C1QTNF1: variants seen among roughly 807,000 people sequenced by gnomAD.
The protein encoded by C1QTNF1 is C1q and TNF related 1, also known as complement C1q tumor necrosis factor-related protein 1.
C1QTNF1 carries 22 observed loss-of-function variants against 27.8 expected under a neutral mutation model. The observed-to-expected ratio is 0.79, with a 90% confidence interval of 0.56 to 1.13. C1QTNF1 has a LOEUF of 1.13. C1QTNF1 is among the 50% of genes most tolerant of loss of function. The pLI is 0.00. For synonymous variants in C1QTNF1, 166 were observed against 154.3 expected (o/e 1.08, Z -0.56); for missense variants, 373 against 380.2 (o/e 0.98, Z 0.16).
intron 1 of C1QTNF1, among the ~76,000 whole-genome samples, chr17:79,039,699 G>A (rs1477252734): frequency 1.3e-5 from 2 of 151,640 alleles, no homozygotes; most frequent in Admixed American, 1.3e-4. Context: ...AATGGTGCCA[G>A]GGTTGAGAAA....
chr17:79,047,098 G>C (rs1385907114), intron 3 of C1QTNF1: 1 of 244,816 alleles, frequency 4.1e-6, no homozygotes, highest in African/African-American at 2.2e-5. Context: ...CCGTGAAATC[G>C]AACTGGAAAC....
At chr17:79,042,203 G>A (rs929153318) in intron 1 of C1QTNF1, among the ~76,000 whole-genome samples, 1 of 152,228 alleles carries the variant, frequency 6.6e-6, no homozygotes, top group Admixed American at 6.5e-5. Context: ...TGTGCCCCTC[G>A]GTGGGGAGGT....
intron 1 of C1QTNF1, chr17:79,024,731 T>C (rs1338454870): frequency 1.3e-5 from 2 of 152,298 alleles, no homozygotes; most frequent in African/African-American, 4.8e-5. Context: ...GTCATAATGG[T>C]CCCGGGTCTC....
upstream of C1QTNF1, among the ~76,000 whole-genome samples, chr17:79,023,245 AG>A (rs1040624586): frequency 5.5e-4 from 83 of 152,252 alleles, 1 homozygote; most frequent in African/African-American, 1.9e-3. Flanking sequence ...AACAGGGCAG[AG>A]GGGGGAAAAA....
intron 1 of C1QTNF1, among the ~76,000 whole-genome samples, chr17:79,036,960 GT>G (rs2072276942): frequency 6.6e-6 from 1 of 152,206 alleles, no homozygotes; most frequent in African/African-American, 2.4e-5. Flanking sequence ...GAATGCTTTT[GT>G]CAAAAGGCCC....
chr17:79,032,667 G>C (rs994296597), intron 1 of C1QTNF1, among the ~76,000 whole-genome samples: 1 of 152,164 alleles, frequency 6.6e-6, no homozygotes, highest in Non-Finnish European at 1.5e-5. Context: ...CCGGGACCCC[G>C]CGTGATGGCA....
At chr17:79,025,781 G>A (rs754328994) in intron 1 of C1QTNF1, 4 of 213,588 alleles carry the variant, frequency 1.9e-5, no homozygotes, top group Non-Finnish European at 4.0e-5. Context: ...GATGGGAGCC[G>A]AGGTCTGAGG....
intron 1 of C1QTNF1, among the ~76,000 whole-genome samples, chr17:79,042,363 C>T (rs530749635): frequency 1.3e-5 from 2 of 152,360 alleles, no homozygotes; most frequent in Admixed American, 6.5e-5. Context: ...TCCCCACCTC[C>T]GTGAGCACCC....
intron 1 of C1QTNF1, among the ~76,000 whole-genome samples, chr17:79,033,110 G>C (rs1434749076): frequency 2.6e-5 from 4 of 151,894 alleles, no homozygotes; most frequent in African/African-American, 7.3e-5. Context: ...GAGCAAAGAG[G>C]AGGTGTTCAG....
At chr17:79,045,712 G>A (rs775411602) in intron 2 of C1QTNF1, among the ~76,000 whole-genome samples, 4 of 152,318 alleles carry the variant, frequency 2.6e-5, no homozygotes, top group Non-Finnish European at 5.9e-5. Context: ...GATGGGGACA[G>A]GGGTTTCGGT....
chr17:79,030,749 G>T (rs369309286), intron 1 of C1QTNF1, among the ~76,000 whole-genome samples: 1 of 151,682 alleles, frequency 6.6e-6, no homozygotes, highest in Non-Finnish European at 1.5e-5. Context: ...TTAGGCACAC[G>T]CCACCACACC....
At chr17:79,032,387 C>A (rs1012103044) in intron 1 of C1QTNF1, among the ~76,000 whole-genome samples, 3 of 152,134 alleles carry the variant, frequency 2.0e-5, no homozygotes, top group African/African-American at 7.2e-5. Flanking sequence ...AAGGGACTCA[C>A]GCGGGGTGGG....
intron 1 of C1QTNF1, 103 bp downstream of exon 1, chr17:79,024,597 G>C (rs919104623): frequency 6.6e-6 from 1 of 152,392 alleles, no homozygotes; most frequent in African/African-American, 2.4e-5. Flanking sequence ...CGGGACGGAC[G>C]GAGAGCGCCG....
chr17:79,047,467 AG>A, intron 3 of C1QTNF1, 70 bp from the exon 4 acceptor site: 1 of 1,418,220 alleles, frequency 7.1e-7, no homozygotes, highest in Non-Finnish European at 9.5e-7. Context: ...GGGACCGGAG[AG>A]TGAGCAGCCA....
chr17:79,041,446 C>A (rs558379408), intron 1 of C1QTNF1, among the ~76,000 whole-genome samples: 1 of 152,248 alleles, frequency 6.6e-6, no homozygotes, highest in East Asian at 1.9e-4. Flanking sequence ...GTTGACTTGG[C>A]GTGAGGGCTC....
intron 1 of C1QTNF1, among the ~76,000 whole-genome samples, chr17:79,030,485 TTTTCTTTCTTTC>T (rs199746385): frequency 0.15 from 17,968 of 121,630 alleles, 1,262 homozygotes; most frequent in East Asian, 0.33. Context: ...CTTTCTTTCT[TTTTCTTTCTTTC>T]TTTCTTTCTT....
chr17:79,044,590 G>A (rs1490112632), intron 2 of C1QTNF1, among the ~76,000 whole-genome samples: 1 of 152,232 alleles, frequency 6.6e-6, no homozygotes, highest in Admixed American at 6.5e-5. Context: ...GGACAGGAGA[G>A]GACAGCGGAG....
chr17:79,026,241 C>T (rs1460428995), intron 1 of C1QTNF1, among the ~76,000 whole-genome samples: 1 of 152,088 alleles, frequency 6.6e-6, no homozygotes, highest in African/African-American at 2.4e-5. Context: ...CTGCAACCTC[C>T]ACCTCCCAGG....
At chr17:79,027,087 G>C (rs1333262314) in intron 1 of C1QTNF1, among the ~76,000 whole-genome samples, 6 of 151,816 alleles carry the variant, frequency 4.0e-5, no homozygotes, top group African/African-American at 9.7e-5. Context: ...TGGGCGGGGG[G>C]GGGCTGTGGC....
Sources: gnomAD v4.1 joint callset for allele counts (sites outside exome capture counted in the v4.1 genomes callset) on GRCh38, gnomAD v4.1.1 for gene constraint, MANE v1.5 for transcripts, NCBI Gene and HGNC (gene_info 2026-07-23, HGNC 2026-07-21) for gene names.